The following SAR1B variants were observed in gnomAD, a reference collection of about 807,000 sequenced individuals.
SAR1B encodes secretion associated Ras related GTPase 1B.
In SAR1B, 23 loss-of-function variants were observed where a neutral mutation model predicts 26.8. The ratio of observed to expected loss-of-function variants is 0.86; its 90% CI spans 0.62 to 1.22. The LOEUF is 1.22. Among genes scored for constraint, SAR1B ranks in the 50% most tolerant of loss-of-function variants. The pLI is 0.00. For missense variants in SAR1B, 196 were observed against 232.8 expected, an observed-to-expected ratio of 0.84 and a Z score of 1.03; for synonymous variants, 65 against 80.8, an observed-to-expected ratio of 0.80 and a Z score of 1.05.
At position 134,608,443 on chromosome 5, in the gene SAR1B, C is replaced by T. The variant is rs28942109; in HGVS notation, c.409G>A (p.Asp137Asn). Residue 137 changes from aspartate (D) to asparagine (N), a missense_variant, in exon 6 of 7, where the codon GAC (aspartate) becomes AAC (asparagine). By Grantham distance (23) the Asp-to-Asn change is conservative. Coordinates refer to ENST00000402673, the MANE Select transcript of SAR1B (RefSeq NM_016103.4). ...VPILILGNKIDRPEAISEERL... is the reference protein window; with the variant it reads ...VPILILGNKINRPEAISEERL... ...TCTTCACTGATGGCTTCAGGTCTGT[C>T]GATCTTATTCCCAAGAATCAGTATA... 3.0e-5 allele frequency: 49 copies of T among 1,610,652 alleles called. No homozygotes were observed. Among genetic ancestry groups the T allele is most frequent in the Non-Finnish European group, 3.7e-5 (44 of 1,178,988 alleles).
In SAR1B at chr5:134,612,641, TAAAAAAAAAAAAAAAAAAAAAAAAA is replaced by T. The variant is rs34365859; in HGVS notation, c.244+25_244+49del. ...GCCTGGGAGACAGAGTGAGCCTGTC[TAAAAAAAAAAAAAAAAAAAAAAAAA>T]AAAAAAAAAAAAAAAGAATCTTACC... On this transcript the variant is annotated intron_variant, in intron 4 of 6. Transcript: ENST00000402673. 234 of 767,766 alleles carry T rather than the reference TAAAAAAAAAAAAAAAAAAAAAAAAA, an allele frequency of 3.0e-4. 1 individual carries two copies. Among genetic ancestry groups the T allele is most frequent in the East Asian group, 2.9e-3 (31 of 10,596 alleles). 47.6% of individuals were successfully genotyped at this position (767,766 alleles called of 1,614,324 possible).
intron 3 of SAR1B, among the ~76,000 whole-genome samples, chr5:134,618,817 G>A (rs1030979350): frequency 6.8e-6 from 1 of 148,066 alleles, no homozygotes; most frequent in East Asian, 2.0e-4. Context: ...GGCCAACATG[G>A]CGAAACCTGG....
intron 1 of SAR1B, among the ~76,000 whole-genome samples, chr5:134,627,393 C>G (rs974024914): frequency 6.6e-6 from 1 of 151,782 alleles, no homozygotes; most frequent in African/African-American, 2.4e-5. Flanking sequence ...ACCCAGGGAG[C>G]GCCGTCTCTG....
chr5:134,609,808 C>G (rs1765184495), intron 4 of SAR1B, 134 bp from the exon 5 acceptor site: 1 of 737,712 alleles, frequency 1.4e-6, no homozygotes, highest in South Asian at 1.5e-5. Context: ...TCAAGTTAAT[C>G]TTTTACCCAG....
At chr5:134,629,295 ATGCCTGTAATCCCAGCACTTTGGGAGGC>A (rs1231497702) in intron 1 of SAR1B, among the ~76,000 whole-genome samples, 1 of 152,060 alleles carries the variant, frequency 6.6e-6, no homozygotes, top group Non-Finnish European at 1.5e-5. Context: ...GCAGTGGCTC[ATGCCTGTAATCCCAGCACTTTGGGAGGC>A]CGAGGTGGGG....
intron 3 of SAR1B, among the ~76,000 whole-genome samples, chr5:134,616,150 A>T (rs867838557): frequency 6.6e-6 from 1 of 150,820 alleles, no homozygotes; most frequent in African/African-American, 2.4e-5. Context: ...AAAAAAAAAA[A>T]AGGGCAGGGC....
rs1765087311 is a variant in SAR1B, at chr5:134,603,871, A to T, written c.*3079T>A. The T allele has an allele frequency of 6.6e-6, 1 of 152,164 alleles. No homozygotes were observed. Among genetic ancestry groups the T allele is most frequent in the Admixed American group, 6.6e-5 (1 of 15,260 alleles). The allele number at this position is 152,164 out of a possible 1,614,324, so 9.4% of individuals were successfully genotyped here. On this transcript the variant is annotated 3_prime_UTR_variant, in exon 7 of 7. Transcript: ENST00000402673. The stretch of plus-strand genomic sequence containing the variant: ...CCGGTTGAAAACTAAGAAAGAAACA[A>T]CGTTCTGCTTTTATGCTATAAACCA...
At chr5:134,629,696 C>CA (rs1231594316) in intron 1 of SAR1B, among the ~76,000 whole-genome samples, 77 of 148,816 alleles carry the variant, frequency 5.2e-4, no homozygotes, top group South Asian at 1.9e-3. Context: ...GACTCCATCT[C>CA]AAAAAAACAA....
At chr5:134,632,310 C>T (rs922590087) in intron 1 of SAR1B, 3 of 152,176 alleles carry the variant, frequency 2.0e-5, no homozygotes, top group Admixed American at 6.6e-5. Context: ...AAAACGTTAA[C>T]CAGTACTAGT....
intron 1 of SAR1B, among the ~76,000 whole-genome samples, chr5:134,632,445 G>T (rs1236981403): frequency 6.6e-6 from 1 of 152,160 alleles, no homozygotes; most frequent in African/African-American, 2.4e-5. Flanking sequence ...CTGAGGCCCA[G>T]GGGAAGGAAG....
intron 3 of SAR1B, chr5:134,612,979 C>T: frequency 7.5e-6 from 4 of 533,382 alleles, no homozygotes; most frequent in Non-Finnish European, 1.0e-5. Context: ...TTAGCTCCCA[C>T]AATTTAGCCT....
At chr5:134,622,522 T>C (rs1222160960) in intron 2 of SAR1B, among the ~76,000 whole-genome samples, 2 of 151,154 alleles carry the variant, frequency 1.3e-5, no homozygotes, top group African/African-American at 4.9e-5. Flanking sequence ...GCGATTCTCC[T>C]GCCTCAGCCT....
chr5:134,618,595 G>C (rs1454225894), intron 3 of SAR1B, among the ~76,000 whole-genome samples: 1 of 152,094 alleles, frequency 6.6e-6, no homozygotes, highest in Non-Finnish European at 1.5e-5. Flanking sequence ...TAAAAGTAAG[G>C]TCACAGGTTA....
rs527627985 is a variant in SAR1B at position 134,611,463 on chromosome 5, G to A, written c.244+1228C>T. On this transcript the variant is annotated intron_variant, in intron 4 of 6. Transcript: ENST00000402673. Reference sequence around the variant, plus strand: ...AGGCCAGGTGTGGTGGCTCACACCTGTAATCCCAGCACTTTGGGAAATTGA... The same window carrying A: ...AGGCCAGGTGTGGTGGCTCACACCTATAATCCCAGCACTTTGGGAAATTGA... Among the ~76,000 whole-genome samples the A allele has an allele frequency of 9.3e-5, 14 of 150,796 alleles. No homozygotes were observed. The East Asian group carries it at 2.6e-3, about 28-fold the overall frequency.
At chr5:134,615,137 A>G (rs1159594693) in intron 3 of SAR1B, among the ~76,000 whole-genome samples, 1 of 151,992 alleles carries the variant, frequency 6.6e-6, no homozygotes, top group Admixed American at 6.6e-5. Flanking sequence ...TCACGAGGTC[A>G]GGAGATCGAG....
chr5:134,614,887 A>C (rs1336255124), intron 3 of SAR1B: 3 of 152,206 alleles, frequency 2.0e-5, no homozygotes, highest in Non-Finnish European at 4.4e-5. Flanking sequence ...GCTGTTGCCC[A>C]ATGTCTGAAA....
At chr5:134,628,660 A>AT (rs1267693135) in intron 1 of SAR1B, among the ~76,000 whole-genome samples, 203 of 147,338 alleles carry the variant, frequency 1.4e-3, no homozygotes, top group Middle Eastern at 3.5e-3. Context: ...TAAAAAAAAA[A>AT]TTTTTTTTTT....
At position 134,606,993 on chromosome 5, in the gene SAR1B, C is replaced by A. The variant is rs137853126; in HGVS notation, c.554G>T (p.Gly185Val). Reference sequence around the variant, plus strand: ...CATCCAGCGGAAGCCTTCTCCGTAACCTTGTCTTTTGAGCACACTACACAT... The same window carrying A: ...CATCCAGCGGAAGCCTTCTCCGTAAACTTGTCTTTTGAGCACACTACACAT... ...VFMCSVLKRQ[G>V]YGEGFRWMAQ... Residue 185 changes from glycine (G) to valine (V), a missense_variant, in exon 7 of 7, where the codon GGT becomes GTT. By Grantham distance (109) the Gly-to-Val change is moderately radical (BLOSUM62 -3). Transcript: ENST00000402673. The A allele has an allele frequency of 2.1e-5, 34 of 1,614,108 alleles. No homozygotes were observed. Among genetic ancestry groups the A allele is most frequent in the East Asian group, 6.7e-5 (3 of 44,888 alleles).
intron 3 of SAR1B, 90 bp downstream of exon 3, chr5:134,620,843 G>A: frequency 6.9e-7 from 1 of 1,444,298 alleles, no homozygotes; most frequent in East Asian, 2.3e-5. Flanking sequence ...AACAGAGAAA[G>A]ACCCTGTCTG....
Sources: gnomAD v4.1 joint callset for allele counts (sites outside exome capture counted in the v4.1 genomes callset) on GRCh38, gnomAD v4.1.1 for gene constraint, MANE v1.5 for transcripts, NCBI Gene and HGNC (gene_info 2026-07-23, HGNC 2026-07-21) for gene names.